ELMOD2: variants seen among roughly 807,000 people sequenced by gnomAD.
ELMOD2 encodes the protein ELMO domain containing 2.
Under a neutral mutation model 41.0 loss-of-function variants are expected in ELMOD2, and 28 were observed. The ratio of observed to expected loss-of-function variants is 0.68; its 90% CI spans 0.51 to 0.94. The LOEUF (loss-of-function observed/expected upper bound fraction) is 0.94. Among genes scored for constraint, ELMOD2 ranks in the 40% least tolerant of loss-of-function variants. The pLI is 0.00. For synonymous variants in ELMOD2, 106 were observed against 107.2 expected (o/e 0.99, Z 0.07); for missense variants, 333 against 343.1 (o/e 0.97, Z 0.23).
chr4:140,545,034 T>A (rs999387331), intron 8 of ELMOD2, among the ~76,000 whole-genome samples: 3 of 152,160 alleles, frequency 2.0e-5, no homozygotes, highest in Non-Finnish European at 4.4e-5. Context: ...TGAAACTTTT[T>A]CAATAATTGC....
Position 140,551,617 on chromosome 4 carries a change from G to A in ELMOD2, c.*1242G>A, listed in dbSNP as rs957544983. 3 of 152,088 alleles carry A rather than the reference G, an allele frequency of 2.0e-5. No individual in the cohort carries two copies. The highest frequency in any genetic ancestry group is 7.2e-5 in the African/African-American group (3 of 41,462). The allele number at this position is 152,088 out of a possible 1,614,324, so 9.4% of individuals were successfully genotyped here. A position where few individuals can be genotyped will look rare whatever the true frequency, so the allele number is the denominator to read the frequency against. ...TAAAGTTTAAAGCAGCAAAGTTTAA[G>A]TTCTCCTTAAATCCTACAGAAACCA... On this transcript the variant is annotated 3_prime_UTR_variant, in exon 9 of 9. Coordinates refer to ENST00000323570, the MANE Select transcript of ELMOD2 (RefSeq NM_153702.4).
At chr4:140,527,578 G>C in intron 3 of ELMOD2, 84 bp downstream of exon 3, 1 of 1,191,414 alleles carries the variant, frequency 8.4e-7, no homozygotes, top group Non-Finnish European at 1.2e-6. Flanking sequence ...CCTGCTAGAA[G>C]AGTGTTTTCT....
intron 3 of ELMOD2, among the ~76,000 whole-genome samples, chr4:140,530,135 A>C (rs1170780417): frequency 6.6e-6 from 1 of 152,188 alleles, no homozygotes; most frequent in Non-Finnish European, 1.5e-5. Flanking sequence ...TTTACTGTAG[A>C]GGTTCTGGAA....
At chr4:140,525,183 T>G in intron 1 of ELMOD2, 1 of 376,404 alleles carries the variant, frequency 2.7e-6, no homozygotes, top group South Asian at 3.8e-5. Flanking sequence ...TTGAATAGTT[T>G]GAGTACATTG....
intron 6 of ELMOD2, 175 bp from the exon 7 acceptor site, chr4:140,542,399 T>C: frequency 1.9e-6 from 1 of 516,274 alleles, no homozygotes; most frequent in Admixed American, 3.5e-5. Context: ...CCTGATAGCT[T>C]GGGAAATTTT....
Position 140,551,069 on chromosome 4 carries a change from T to C in ELMOD2, c.*694T>C, listed in dbSNP as rs1270882876. On this transcript the variant is annotated 3_prime_UTR_variant, in exon 9 of 9. Transcript: ENST00000323570. ...TATTTGAAAGCTTAAAGGCATTTTCTCATCTTCAGTATTTGCTTTTTATCA... is the reference window on the plus strand; with the variant it reads ...TATTTGAAAGCTTAAAGGCATTTTCCCATCTTCAGTATTTGCTTTTTATCA... 1 of 152,150 alleles carries C rather than the reference T, an allele frequency of 6.6e-6. No individual in the cohort carries two copies. The highest frequency in any genetic ancestry group is 2.4e-5 in the African/African-American group (1 of 41,448). The allele number at this position is 152,150 out of a possible 1,614,324, so 9.4% of individuals were successfully genotyped here.
chr4:140,530,279 A>G (rs1018794388), intron 3 of ELMOD2, among the ~76,000 whole-genome samples: 1 of 152,198 alleles, frequency 6.6e-6, no homozygotes, highest in Non-Finnish European at 1.5e-5. Context: ...ACAATACATA[A>G]GATGCTACAT....
chr4:140,540,558 A>C (rs934294547), intron 6 of ELMOD2, among the ~76,000 whole-genome samples: 15 of 152,108 alleles, frequency 9.9e-5, no homozygotes, highest in African/African-American at 2.9e-4. Context: ...GTTTGAGACC[A>C]ATCTGAGCAA....
intron 7 of ELMOD2, among the ~76,000 whole-genome samples, chr4:140,542,955 A>G (rs3104105): frequency 1 from 151,624 of 151,992 alleles, 75,633 homozygotes; most frequent in Middle Eastern, 1. Flanking sequence ...ATAGGAAAAT[A>G]GGAAATAGCT....
intron 3 of ELMOD2, among the ~76,000 whole-genome samples, chr4:140,531,918 G>A (rs995184449): frequency 2.6e-5 from 4 of 152,098 alleles, no homozygotes; most frequent in African/African-American, 9.7e-5. Flanking sequence ...GGCTTCACTA[G>A]TGAAGTGTTA....
Position 140,535,768 on chromosome 4 carries a change from A to C in ELMOD2, c.207A>C (p.Glu69Asp). 1 of 1,611,832 alleles carries C rather than the reference A, an allele frequency of 6.2e-7. No homozygotes were observed. The highest frequency in any genetic ancestry group is 8.5e-7 in the Non-Finnish European group (1 of 1,179,346). ...LQKATHVVQS[E>D]VDKYVDDIMK... ...AGGCGACACATGTTGTTCAGAGTGA[A>C]GTGGACAAATATGTAGATGATATTA... The change falls in exon 4 of 9, where the codon GAA becomes GAC. Residue 69 changes from glutamate (E) to aspartate (D), a missense_variant. Transcript: ENST00000323570.
chr4:140,547,156 A>T (rs553795536), intron 8 of ELMOD2, among the ~76,000 whole-genome samples: 16 of 152,258 alleles, frequency 1.1e-4, no homozygotes, highest in African/African-American at 3.9e-4. Flanking sequence ...GAGTAGGATA[A>T]ATTAGTTTGC....
At chr4:140,525,726 A>G (rs140747934) in intron 2 of ELMOD2, among the ~76,000 whole-genome samples, 156 bp downstream of exon 2, 152 of 152,354 alleles carry the variant, frequency 1.0e-3, no homozygotes, top group African/African-American at 3.3e-3. Context: ...TTCAGCTCTA[A>G]AATTGTATGA....
chr4:140,550,123 A>C, intron 8 of ELMOD2, 107 bp from the exon 9 acceptor site: 11 of 946,640 alleles, frequency 1.2e-5, no homozygotes, highest in Non-Finnish European at 1.7e-5. Context: ...TGATTATTGT[A>C]TTCTAATATG....
At chr4:140,543,422 G>A in intron 7 of ELMOD2, 31 bp from the exon 8 acceptor site, 1 of 1,568,074 alleles carries the variant, frequency 6.4e-7, no homozygotes, top group Non-Finnish European at 8.6e-7. Flanking sequence ...TATTTGGCTA[G>A]CTGGTATAAC....
At chr4:140,550,033 G>T (rs1470524894) in intron 8 of ELMOD2, among the ~76,000 whole-genome samples, 197 bp from the exon 9 acceptor site, 1 of 151,996 alleles carries the variant, frequency 6.6e-6, no homozygotes, top group Non-Finnish European at 1.5e-5. Flanking sequence ...TGATTTTTGA[G>T]ACAAATAGTA....
At chr4:140,532,855 A>G (rs79056327) in intron 3 of ELMOD2, among the ~76,000 whole-genome samples, 2,971 of 152,320 alleles carry the variant, frequency 0.02, 86 homozygotes, top group African/African-American at 0.068. Flanking sequence ...TACTTTGTGA[A>G]TGTAGAAAAT....
intron 3 of ELMOD2, among the ~76,000 whole-genome samples, chr4:140,528,437 T>C (rs2110821772): frequency 6.6e-6 from 1 of 152,260 alleles, no homozygotes; most frequent in East Asian, 1.9e-4. Flanking sequence ...TATTAAACAA[T>C]AATAGGAATA....
At position 140,551,851 on chromosome 4, in the gene ELMOD2, C is replaced by T. The variant is rs1338198898; in HGVS notation, c.*1476C>T. 2 of 151,962 alleles carry T rather than the reference C, an allele frequency of 1.3e-5. No individual in the cohort carries two copies. Among genetic ancestry groups the T allele is most frequent in the Non-Finnish European group, 2.9e-5 (2 of 67,894 alleles). The allele number at this position is 151,962 out of a possible 1,614,324, so 9.4% of individuals were successfully genotyped here. On this transcript the variant is annotated 3_prime_UTR_variant, in exon 9 of 9. Transcript: ENST00000323570. ...ACATATCCAATTGGAAAATAAGATG[C>T]AGTGTTGTATAGCACATACATTTAA...
Sources: gnomAD v4.1 joint callset for allele counts (sites outside exome capture counted in the v4.1 genomes callset) on GRCh38, gnomAD v4.1.1 for gene constraint, MANE v1.5 for transcripts, NCBI Gene and HGNC (gene_info 2026-07-23, HGNC 2026-07-21) for gene names.